NDRG1: variants seen among roughly 807,000 people sequenced by gnomAD.
NDRG1 encodes protein NDRG1.
A neutral mutation model predicts 56.9 loss-of-function variants in NDRG1; 32 were observed. The observed-to-expected ratio is 0.56, with a 90% CI of 0.42 to 0.76. The LOEUF is 0.76. Ranked by LOEUF, NDRG1 falls within the 30% of genes least tolerant of loss-of-function variation. NDRG1 has a pLI of 0.00. For synonymous variants in NDRG1, 211 were observed against 204.1 expected (o/e 1.03, Z -0.29); for missense variants, 507 against 545.7 (o/e 0.93, Z 0.71).
intron 3 of NDRG1, among the ~76,000 whole-genome samples, chr8:133,268,470 A>T (rs1174049408): frequency 6.6e-6 from 1 of 152,204 alleles, no homozygotes; most frequent in East Asian, 1.9e-4. Flanking sequence ...CTTGGTGGGA[A>T]GGACAAAGAC....
intron 1 of NDRG1, among the ~76,000 whole-genome samples, chr8:133,289,360 A>G (rs1858304961): frequency 6.6e-6 from 1 of 152,150 alleles, no homozygotes; most frequent in African/African-American, 2.4e-5. Context: ...CTTTCCTTTC[A>G]GGGTTGCCTT....
chr8:133,239,319 A>C, intron 15 of NDRG1, 200 bp from the exon 16 acceptor site: 1 of 826,334 alleles, frequency 1.2e-6, no homozygotes, highest in Non-Finnish European at 1.9e-6. Context: ...GCGGGAAGGA[A>C]CTGCCGCAAT....
chr8:133,269,518 T>A (rs560163303), intron 3 of NDRG1, among the ~76,000 whole-genome samples: 54 of 152,308 alleles, frequency 3.5e-4, no homozygotes, highest in Non-Finnish European at 5.4e-4. Context: ...TCTCATTAAA[T>A]ACACGGAACA....
chr8:133,238,858 G>T lies in NDRG1; in HGVS notation c.*20C>A, dbSNP rs1855208802. ...CCACTACAGAGATCAGAGTCCGGGG[G>T]CGGCAGCTGGGCAGGCCGCCTAGCA... On this transcript the variant is annotated 3_prime_UTR_variant, in exon 16 of 16. Coordinates refer to ENST00000323851, the MANE Select transcript of NDRG1 (RefSeq NM_006096.4). 6.5e-7 allele frequency: 1 copy of T among 1,546,582 alleles called. No homozygotes were observed. The highest frequency in any genetic ancestry group is 2.4e-5 in the East Asian group (1 of 41,394).
At chr8:133,248,668 G>T (rs745728608) in intron 11 of NDRG1, 47 bp downstream of exon 11, 3 of 1,609,388 alleles carry the variant, frequency 1.9e-6, no homozygotes, top group East Asian at 4.5e-5. Flanking sequence ...CACCTTTATA[G>T]TGGGCAGCCC....
chr8:133,252,450 G>A (rs1856106028), intron 9 of NDRG1, among the ~76,000 whole-genome samples: 1 of 152,182 alleles, frequency 6.6e-6, no homozygotes, highest in African/African-American at 2.4e-5. Flanking sequence ...GAAGCCACAG[G>A]AAACCAACAC....
At position 133,246,261 on chromosome 8, in the gene NDRG1, C is replaced by T. The variant is rs1041702314; in HGVS notation, c.855+355G>A. Among the ~76,000 whole-genome samples the T allele has an allele frequency of 1.6e-4, 24 of 152,348 alleles. 1 individual carries two copies. In the South Asian group the frequency reaches 1.9e-3, roughly 12 times the overall value. ...TGCTGGACAAAGTCCTGACCTTCCC[C>T]GGCTGTGGGACACGTCTCTTCTTAT... On this transcript the variant is annotated intron_variant, in intron 13 of 15. Coordinates refer to ENST00000323851, the MANE Select transcript of NDRG1 (RefSeq NM_006096.4).
intron 10 of NDRG1, among the ~76,000 whole-genome samples, chr8:133,249,731 A>C (rs150667381): frequency 3.3e-4 from 50 of 152,342 alleles, no homozygotes; most frequent in Non-Finnish European, 4.7e-4. Flanking sequence ...CACTGAGATG[A>C]GGGCAGGATT....
At chr8:133,284,717 G>T (rs1375622011) in intron 1 of NDRG1, 4 of 461,832 alleles carry the variant, frequency 8.7e-6, no homozygotes, top group African/African-American at 5.9e-5. Flanking sequence ...CAGCCCCCGT[G>T]TGACAATGAA....
intron 2 of NDRG1, 51 bp from the exon 3 acceptor site, chr8:133,280,318 G>T: frequency 3.2e-6 from 5 of 1,585,908 alleles, no homozygotes; most frequent in South Asian, 1.1e-5. Context: ...CTCTGTAAGA[G>T]AAATAATATT....
intron 1 of NDRG1, among the ~76,000 whole-genome samples, chr8:133,294,896 G>T (rs113767393): frequency 6.6e-6 from 1 of 152,198 alleles, no homozygotes; most frequent in African/African-American, 2.4e-5. Context: ...AATCCTGCCA[G>T]GAACCCTTTC....
intron 3 of NDRG1, among the ~76,000 whole-genome samples, chr8:133,272,904 G>T (rs561454305): frequency 1.3e-5 from 2 of 152,332 alleles, no homozygotes; most frequent in South Asian, 4.1e-4. Context: ...TGGAAAGAGA[G>T]AAATTAGCAA....
chr8:133,288,977 G>A (rs1223083458), intron 1 of NDRG1, among the ~76,000 whole-genome samples: 1 of 152,242 alleles, frequency 6.6e-6, no homozygotes, highest in Non-Finnish European at 1.5e-5. Flanking sequence ...CCAGAGAAGC[G>A]AAAGGTAGCC....
At chr8:133,290,058 C>T (rs1391559728) in intron 1 of NDRG1, among the ~76,000 whole-genome samples, 1 of 152,142 alleles carries the variant, frequency 6.6e-6, no homozygotes, top group Admixed American at 6.5e-5. Flanking sequence ...TCAGCTCTGG[C>T]CAGATTAGCC....
intron 6 of NDRG1, among the ~76,000 whole-genome samples, chr8:133,258,771 G>A (rs1470803350): frequency 1.3e-5 from 2 of 152,204 alleles, no homozygotes; most frequent in Admixed American, 6.5e-5. Context: ...CAAGAACCAT[G>A]AAGTTATCAT....
chr8:133,254,958 G>A (rs1856288234), intron 8 of NDRG1: 1 of 344,230 alleles, frequency 2.9e-6, no homozygotes, highest in Non-Finnish European at 5.6e-6. Context: ...AACACACTGA[G>A]CTCCCCAGTC....
intron 1 of NDRG1, chr8:133,296,406 G>T (rs553152800): frequency 1.8e-4 from 80 of 443,820 alleles, no homozygotes; most frequent in African/African-American, 1.5e-3. Context: ...CTCCGGGGGC[G>T]CACCCTGCCC....
chr8:133,266,222 C>A (rs961463646), intron 3 of NDRG1, among the ~76,000 whole-genome samples: 5 of 152,260 alleles, frequency 3.3e-5, no homozygotes, highest in South Asian at 4.1e-4. Context: ...AGCACTTGAC[C>A]CGCCCGCAAG....
At chr8:133,289,926 A>T (rs1469348524) in intron 1 of NDRG1, among the ~76,000 whole-genome samples, 1 of 152,226 alleles carries the variant, frequency 6.6e-6, no homozygotes, top group Non-Finnish European at 1.5e-5. Flanking sequence ...TAAAGTAGGC[A>T]CAGTGTACGT....
Sources: allele counts gnomAD v4.1 joint callset (sites outside exome capture counted in the v4.1 genomes callset), GRCh38; gene constraint gnomAD v4.1.1; transcripts MANE v1.5; gene names NCBI Gene and HGNC (gene_info 2026-07-23, HGNC 2026-07-21).